The following HS3ST5 variants were observed in gnomAD, a reference collection of about 807,000 sequenced individuals.
The protein encoded by HS3ST5 is heparan sulfate glucosamine 3-O-sulfotransferase 5.
A neutral mutation model predicts 25.4 loss-of-function variants in HS3ST5; 10 were observed. The ratio of observed to expected loss-of-function variants is 0.39; its 90% confidence interval spans 0.24 to 0.67. HS3ST5 has a LOEUF of 0.67. Ranked by LOEUF, HS3ST5 falls within the 30% of genes least tolerant of loss-of-function variation. The pLI is 0.44. For synonymous variants in HS3ST5, 170 were observed against 162.4 expected, an observed-to-expected ratio of 1.05 and a Z score of -0.36; for missense variants, 324 against 420.7, an observed-to-expected ratio of 0.77 and a Z score of 2.01.
chr6:114,082,907 A>G (rs190789944), intron 3 of HS3ST5, among the ~76,000 whole-genome samples: 6 of 152,344 alleles, frequency 3.9e-5, no homozygotes, highest in African/African-American at 1.4e-4. Flanking sequence ...CAGGGGAACA[A>G]CACAGCAGCA....
At chr6:114,066,184 C>T (rs1459238320) in intron 3 of HS3ST5, among the ~76,000 whole-genome samples, 1 of 152,154 alleles carries the variant, frequency 6.6e-6, no homozygotes, top group East Asian at 1.9e-4. Flanking sequence ...TGGGCTAAAC[C>T]GACTGACTGA....
intron 1 of HS3ST5, among the ~76,000 whole-genome samples, chr6:114,266,601 G>A (rs1773414177): frequency 6.6e-6 from 1 of 152,060 alleles, no homozygotes; most frequent in African/African-American, 2.4e-5. Context: ...ATCAAATTAC[G>A]AAGAACAGAA....
At chr6:114,138,979 G>A (rs1777771236) in intron 3 of HS3ST5, among the ~76,000 whole-genome samples, 1 of 152,084 alleles carries the variant, frequency 6.6e-6, no homozygotes, top group South Asian at 2.1e-4. Context: ...CATTCATTAG[G>A]GCTTCAGAAT....
intron 1 of HS3ST5, among the ~76,000 whole-genome samples, chr6:114,286,798 C>G (rs1174416544): frequency 6.6e-6 from 1 of 151,470 alleles, no homozygotes; most frequent in Non-Finnish European, 1.5e-5. Flanking sequence ...GAAGTTACAA[C>G]AAATGATAAA....
chr6:114,149,474 C>G (rs1778345158), intron 3 of HS3ST5, among the ~76,000 whole-genome samples: 1 of 152,124 alleles, frequency 6.6e-6, no homozygotes, highest in African/African-American at 2.4e-5. Flanking sequence ...AGCAAACTAA[C>G]ACAGGAACAG....
intron 2 of HS3ST5, among the ~76,000 whole-genome samples, chr6:114,223,065 T>C (rs1010786958): frequency 1.3e-4 from 19 of 151,742 alleles, no homozygotes; most frequent in Non-Finnish European, 2.4e-4. Context: ...AAAATGTTAC[T>C]GTGAAATATA....
chr6:114,132,495 C>T (rs1052412106), intron 3 of HS3ST5, among the ~76,000 whole-genome samples: 1 of 152,170 alleles, frequency 6.6e-6, no homozygotes, highest in Non-Finnish European at 1.5e-5. Flanking sequence ...AGCCAAATAC[C>T]AGCAGGGCAG....
chr6:114,145,089 C>A lies in HS3ST5; in HGVS notation c.-33+23262G>T, dbSNP rs192565183. On this transcript the variant is annotated intron_variant, in intron 3 of 4. Transcript: ENST00000312719. ...TGTTGATTTTTGCTGCTGACCTGACCCTTACTTCTTGGCATTTGAACCTGA... is the reference window on the plus strand; with the variant it reads ...TGTTGATTTTTGCTGCTGACCTGACACTTACTTCTTGGCATTTGAACCTGA... Among the ~76,000 whole-genome samples, 133 of 152,268 alleles carry A rather than the reference C, an allele frequency of 8.7e-4. 1 individual carries two copies. Among genetic ancestry groups the A allele is most frequent in the East Asian group, 3.9e-4 (2 of 5,178 alleles).
At chr6:114,067,978 A>C (rs1773563092) in intron 3 of HS3ST5, among the ~76,000 whole-genome samples, 1 of 152,204 alleles carries the variant, frequency 6.6e-6, no homozygotes, top group Admixed American at 6.5e-5. Flanking sequence ...CACTGAGTAA[A>C]ACAGTAGGAT....
At chr6:114,108,081 T>C (rs1260592600) in intron 3 of HS3ST5, among the ~76,000 whole-genome samples, 1 of 152,072 alleles carries the variant, frequency 6.6e-6, no homozygotes, top group Non-Finnish European at 1.5e-5. Flanking sequence ...CATGTAAATA[T>C]AGATATATGA....
intron 1 of HS3ST5, among the ~76,000 whole-genome samples, chr6:114,314,874 G>A (rs1360398797): frequency 6.6e-6 from 1 of 152,066 alleles, no homozygotes; most frequent in Non-Finnish European, 1.5e-5. Flanking sequence ...ATATTATGTA[G>A]GTCACTAACT....
chr6:114,270,892 A>G (rs1399815045), intron 1 of HS3ST5, among the ~76,000 whole-genome samples: 2 of 152,150 alleles, frequency 1.3e-5, no homozygotes, highest in South Asian at 4.1e-4. Context: ...ATTATCACAG[A>G]AAAGTGGAGA....
At chr6:114,128,024 A>G (rs1777136992) in intron 3 of HS3ST5, among the ~76,000 whole-genome samples, 1 of 151,886 alleles carries the variant, frequency 6.6e-6, no homozygotes, top group Non-Finnish European at 1.5e-5. Flanking sequence ...AAAAGGAAAA[A>G]GTAAAAGACA....
chr6:114,114,783 C>T (rs1047707757), intron 3 of HS3ST5, among the ~76,000 whole-genome samples: 5 of 151,984 alleles, frequency 3.3e-5, no homozygotes, highest in Non-Finnish European at 7.4e-5. Flanking sequence ...GTTGAAACTG[C>T]AAGTTACTTT....
At chr6:114,212,553 T>C (rs182164995) in intron 2 of HS3ST5, among the ~76,000 whole-genome samples, 51 of 152,372 alleles carry the variant, frequency 3.3e-4, no homozygotes, top group African/African-American at 1.2e-3. Context: ...AATGCTTTTA[T>C]ATATTTAGAT....
chr6:114,071,582 G>T (rs1395982082), intron 3 of HS3ST5, among the ~76,000 whole-genome samples: 1 of 152,150 alleles, frequency 6.6e-6, no homozygotes, highest in South Asian at 2.1e-4. Context: ...AGCATTTAGG[G>T]TCATTGATAC....
intron 3 of HS3ST5, among the ~76,000 whole-genome samples, chr6:114,123,744 T>C (rs1333810341): frequency 6.6e-6 from 1 of 152,208 alleles, no homozygotes; most frequent in East Asian, 1.9e-4. Flanking sequence ...ACATGTACTC[T>C]GTATGGAACA....
At chr6:114,292,815 C>A (rs1449163282) in intron 1 of HS3ST5, among the ~76,000 whole-genome samples, 2 of 152,132 alleles carry the variant, frequency 1.3e-5, no homozygotes, top group African/African-American at 4.8e-5. Context: ...CCAATATCCT[C>A]CTGTATACTT....
Position 114,057,746 on chromosome 6 carries a change from C to T in HS3ST5, c.552G>A (p.Glu184=). The T allele has an allele frequency of 1.9e-6, 3 of 1,614,156 alleles. No individual in the cohort carries two copies. The highest frequency in any genetic ancestry group is 2.5e-6 in the Non-Finnish European group (3 of 1,180,030). The change falls in exon 5 of 5, where the codon GAG becomes GAA. Residue 184 remains glutamate (E), a synonymous_variant. Transcript: ENST00000312719. ...AATCAGAAATAGCTCTTGTGGTTGG[C>T]TCCCTGACAATGATCAACAACTTGA... The part of the protein sequence containing the change: ...SSIKLLIIVR[E]PTTRAISDYT...
Sources: gnomAD v4.1 joint callset for allele counts (sites outside exome capture counted in the v4.1 genomes callset) on GRCh38, gnomAD v4.1.1 for gene constraint, MANE v1.5 for transcripts, NCBI Gene and HGNC (gene_info 2026-07-23, HGNC 2026-07-21) for gene names.